PRDM2: variants seen among roughly 807,000 people sequenced by gnomAD.
PRDM2 encodes PR/SET domain 2.
Under a neutral mutation model 130.0 loss-of-function variants are expected in PRDM2, and 30 were observed. The observed-to-expected ratio is 0.23, with a 90% CI of 0.17 to 0.31. The LOEUF (loss-of-function observed/expected upper bound fraction) is 0.31. Ranked by LOEUF, PRDM2 falls within the 10% of genes least tolerant of loss-of-function variation. PRDM2 has a pLI of 1.00. For missense variants in PRDM2, 2,011 were observed against 2,108.4 expected, an observed-to-expected ratio of 0.95 and a Z score of 0.90; for synonymous variants, 871 against 782.4, an observed-to-expected ratio of 1.11 and a Z score of -1.89.
intron 7 of PRDM2, among the ~76,000 whole-genome samples, chr1:13,773,926 T>C (rs909152450): frequency 1.3e-5 from 2 of 152,206 alleles, no homozygotes; most frequent in African/African-American, 2.4e-5. Flanking sequence ...TTGTACACTT[T>C]AATACATGTA....
intron 6 of PRDM2, among the ~76,000 whole-genome samples, chr1:13,762,719 T>A (rs1644128351): frequency 6.6e-6 from 1 of 152,230 alleles, no homozygotes; most frequent in African/African-American, 2.4e-5. Context: ...AAAGGCTCCA[T>A]TCTCAGTGCC....
intron 8 of PRDM2, among the ~76,000 whole-genome samples, chr1:13,799,129 G>A (rs1269243698): frequency 6.6e-6 from 1 of 152,140 alleles, no homozygotes. Flanking sequence ...GTTCACCATT[G>A]CCTAAGGAAG....
Position 13,772,281 on chromosome 1 carries a change from C to T in PRDM2, c.512-797C>T, listed in dbSNP as rs576926981. ...AATCCTAAAGAAACTGGGCTTCTGA[C>T]TTCTTCAGTATTATTACTCCTATAG... On this transcript the variant is annotated intron_variant, in intron 6 of 9. Transcript: ENST00000311066. 3.3e-5 allele frequency: 5 copies of T among 152,330 alleles called. No individual in the cohort carries two copies. The East Asian group carries it at 9.6e-4, about 29-fold the overall frequency. The allele number at this position is 152,330 out of a possible 1,614,324, so 9.4% of individuals were successfully genotyped here.
intron 4 of PRDM2, among the ~76,000 whole-genome samples, chr1:13,734,686 C>G (rs1227717379): frequency 2.0e-5 from 3 of 152,092 alleles, no homozygotes; most frequent in Non-Finnish European, 4.4e-5. Flanking sequence ...TACTGTACTA[C>G]TAGAGTTTGC....
At chr1:13,813,365 T>G (rs761511496) in intron 8 of PRDM2, among the ~76,000 whole-genome samples, 1 of 152,180 alleles carries the variant, frequency 6.6e-6, no homozygotes, top group Non-Finnish European at 1.5e-5. Context: ...GGGGGCACTG[T>G]GCTCTCATGA....
At chr1:13,737,041 C>A (rs1433607227) in intron 4 of PRDM2, among the ~76,000 whole-genome samples, 2 of 152,200 alleles carry the variant, frequency 1.3e-5, no homozygotes, top group Non-Finnish European at 2.9e-5. Context: ...GTTTTATAGT[C>A]TTCGCTATCT....
intron 1 of PRDM2, chr1:13,705,670 A>T (rs1342292468): frequency 2.0e-5 from 3 of 152,094 alleles, no homozygotes; most frequent in Non-Finnish European, 4.4e-5. Context: ...AAGGTCGGGC[A>T]TCTCCTTAGA....
intron 8 of PRDM2, among the ~76,000 whole-genome samples, chr1:13,798,691 T>G (rs138279233): frequency 1.2e-3 from 187 of 152,310 alleles, no homozygotes; most frequent in Middle Eastern, 6.8e-3. Flanking sequence ...TTTTTGGACC[T>G]GAAAATAGGG....
chr1:13,737,864 C>T (rs1287234247), intron 4 of PRDM2, among the ~76,000 whole-genome samples: 1 of 151,948 alleles, frequency 6.6e-6, no homozygotes, highest in Non-Finnish European at 1.5e-5. Context: ...GTCTTAAGTT[C>T]TTGAACACCA....
intron 2 of PRDM2, among the ~76,000 whole-genome samples, chr1:13,717,892 CT>C (rs1414858883): frequency 1.3e-5 from 2 of 152,124 alleles, no homozygotes; most frequent in African/African-American, 4.8e-5. Context: ...AAATTGCCCA[CT>C]TTTTATGAGT....
intron 8 of PRDM2, among the ~76,000 whole-genome samples, chr1:13,802,922 G>A (rs999382803): frequency 1.1e-4 from 17 of 152,236 alleles, no homozygotes; most frequent in African/African-American, 2.7e-4. Flanking sequence ...CTGCAGGGGA[G>A]CGTGTGATGG....
chr1:13,804,115 A>G (rs578122929), intron 8 of PRDM2, among the ~76,000 whole-genome samples: 1 of 152,088 alleles, frequency 6.6e-6, no homozygotes, highest in Non-Finnish European at 1.5e-5. Flanking sequence ...CTCTGCCATA[A>G]AAAGGGTATA....
chr1:13,794,143 G>T (rs1035584784), intron 8 of PRDM2, among the ~76,000 whole-genome samples: 2 of 152,200 alleles, frequency 1.3e-5, no homozygotes, highest in African/African-American at 4.8e-5. Flanking sequence ...ACTAGCCGGG[G>T]TTGAGGTTCT....
At chr1:13,766,365 A>G (rs1557633195) in intron 6 of PRDM2, among the ~76,000 whole-genome samples, 1 of 152,238 alleles carries the variant, frequency 6.6e-6, no homozygotes, top group African/African-American at 2.4e-5. Flanking sequence ...AATTCTAAGA[A>G]TGAAAGAAAT....
At chr1:13,706,788 T>C (rs1271271995) in intron 1 of PRDM2, among the ~76,000 whole-genome samples, 1 of 151,948 alleles carries the variant, frequency 6.6e-6, no homozygotes, top group African/African-American at 2.4e-5. Context: ...ACATTTTTTT[T>C]CCAAAAAAAG....
At chr1:13,776,538 A>G (rs1007985051) in intron 7 of PRDM2, among the ~76,000 whole-genome samples, 3 of 152,056 alleles carry the variant, frequency 2.0e-5, no homozygotes, top group African/African-American at 7.2e-5. Context: ...TTTACAGGTA[A>G]ACTTGAAAGA....
At chr1:13,749,636 C>T (rs1643746843) in intron 6 of PRDM2, 149 bp downstream of exon 6, 2 of 330,604 alleles carry the variant, frequency 6.0e-6, no homozygotes, top group African/African-American at 4.5e-5. Flanking sequence ...CTTTTCCGGA[C>T]TCGGCCCTGC....
chr1:13,805,745 C>G (rs1302439076), intron 8 of PRDM2, among the ~76,000 whole-genome samples: 1 of 152,218 alleles, frequency 6.6e-6, no homozygotes, highest in African/African-American at 2.4e-5. Context: ...AACCAGCTTT[C>G]TGTATGGCTG....
chr1:13,804,906 G>A (rs1277021869), intron 8 of PRDM2, among the ~76,000 whole-genome samples: 1 of 152,180 alleles, frequency 6.6e-6, no homozygotes, highest in African/African-American at 2.4e-5. Context: ...CCCCCACCTG[G>A]CTTTGGGATA....
Sources: gnomAD v4.1 joint callset for allele counts (sites outside exome capture counted in the v4.1 genomes callset) on GRCh38, gnomAD v4.1.1 for gene constraint, MANE v1.5 for transcripts, NCBI Gene and HGNC (gene_info 2026-07-23, HGNC 2026-07-21) for gene names.